Variants in SGCZ observed in about 807,000 individuals in gnomAD.
SGCZ encodes sarcoglycan zeta.
SGCZ carries 40 observed loss-of-function variants against 41.3 expected under a neutral mutation model. The ratio of observed to expected loss-of-function variants is 0.97; its 90% CI spans 0.75 to 1.26. The LOEUF is 1.26. Among genes scored for constraint, SGCZ ranks in the 50% most tolerant of loss-of-function variants. SGCZ has a pLI of 0.00. For synonymous variants in SGCZ, 206 were observed against 137.5 expected (o/e 1.50, Z -3.49); for missense variants, 552 against 369.8 (o/e 1.49, Z -4.04).
At chr8:14,825,681 G>A (rs892955209) in intron 1 of SGCZ, among the ~76,000 whole-genome samples, 2 of 152,046 alleles carry the variant, frequency 1.3e-5, no homozygotes, top group East Asian at 3.9e-4. Flanking sequence ...CTGAAACACT[G>A]AACCCTTGAA....
chr8:15,066,077 G>A (rs1805129175), intron 1 of SGCZ, among the ~76,000 whole-genome samples: 1 of 151,956 alleles, frequency 6.6e-6, no homozygotes, highest in South Asian at 2.1e-4. Context: ...GGGAGGCCGA[G>A]GCGGGTGGAT....
chr8:14,472,788 A>C (rs1055985319), intron 2 of SGCZ, among the ~76,000 whole-genome samples: 1 of 152,176 alleles, frequency 6.6e-6, no homozygotes, highest in Non-Finnish European at 1.5e-5. Flanking sequence ...TTTAAAAACT[A>C]ATATTGTACC....
chr8:15,184,940 T>C (rs111862192), intron 1 of SGCZ, among the ~76,000 whole-genome samples: 7 of 152,118 alleles, frequency 4.6e-5, no homozygotes, highest in African/African-American at 1.7e-4. Context: ...GACTGGCAAA[T>C]GGAGACTGTA....
intron 1 of SGCZ, among the ~76,000 whole-genome samples, chr8:14,634,348 C>G (rs1248254080): frequency 6.6e-6 from 1 of 151,622 alleles, no homozygotes; most frequent in East Asian, 1.9e-4. Flanking sequence ...GTTTCATTTT[C>G]TTTGTTTATT....
intron 2 of SGCZ, among the ~76,000 whole-genome samples, chr8:14,530,173 A>T (rs1032256288): frequency 6.6e-6 from 1 of 152,022 alleles, no homozygotes; most frequent in Non-Finnish European, 1.5e-5. Flanking sequence ...GTAAAATTAC[A>T]TATCTATTCT....
chr8:14,282,833 T>G (rs970154619), intron 3 of SGCZ, among the ~76,000 whole-genome samples: 5 of 139,674 alleles, frequency 3.6e-5, no homozygotes, highest in Non-Finnish European at 7.7e-5. Context: ...ATTATAATCA[T>G]TCTCTTTCAA....
chr8:15,026,617 G>C (rs574132594), intron 1 of SGCZ, among the ~76,000 whole-genome samples: 2 of 152,114 alleles, frequency 1.3e-5, no homozygotes, highest in African/African-American at 4.8e-5. Flanking sequence ...CATTATAAAA[G>C]GGACTCGATT....
chr8:14,591,409 G>T (rs931369968), intron 1 of SGCZ, among the ~76,000 whole-genome samples: 1 of 151,844 alleles, frequency 6.6e-6, no homozygotes, highest in Non-Finnish European at 1.5e-5. Context: ...TCTAGAGCTC[G>T]TGCATTTCCT....
intron 1 of SGCZ, among the ~76,000 whole-genome samples, chr8:14,956,705 C>G (rs1800804698): frequency 6.6e-6 from 1 of 152,056 alleles, no homozygotes. Context: ...AGTCATCATA[C>G]AACTAAATTC....
At chr8:14,396,578 G>C (rs1312398407) in intron 2 of SGCZ, among the ~76,000 whole-genome samples, 1 of 151,820 alleles carries the variant, frequency 6.6e-6, no homozygotes, top group African/African-American at 2.4e-5. Context: ...CTCGGTGCTA[G>C]GGATATAATG....
intron 1 of SGCZ, among the ~76,000 whole-genome samples, chr8:14,557,053 G>A (rs927288845): frequency 1.3e-5 from 2 of 151,144 alleles, no homozygotes; most frequent in Admixed American, 6.6e-5. Context: ...CCTACCAGTG[G>A]TGTAGAAGTA....
intron 1 of SGCZ, among the ~76,000 whole-genome samples, chr8:14,774,529 C>G (rs1188798507): frequency 6.6e-6 from 1 of 152,186 alleles, no homozygotes; most frequent in Non-Finnish European, 1.5e-5. Context: ...ATGGCTTCTC[C>G]CACATGGTGT....
chr8:14,363,301 C>T (rs1271579258), intron 2 of SGCZ, among the ~76,000 whole-genome samples: 1 of 152,102 alleles, frequency 6.6e-6, no homozygotes, highest in African/African-American at 2.4e-5. Flanking sequence ...TTGTCCACAG[C>T]CTGGTAATAA....
intron 4 of SGCZ, among the ~76,000 whole-genome samples, chr8:14,227,530 G>C (rs752543439): frequency 7.9e-5 from 12 of 151,906 alleles, no homozygotes; most frequent in Admixed American, 2.0e-4. Flanking sequence ...CTTAACTACA[G>C]GCAAATATAT....
chr8:14,817,359 T>C (rs1426391635), intron 1 of SGCZ, among the ~76,000 whole-genome samples: 2 of 152,100 alleles, frequency 1.3e-5, no homozygotes, highest in African/African-American at 2.4e-5. Context: ...ATCTTTACTA[T>C]AAGAGAGCCC....
intron 2 of SGCZ, among the ~76,000 whole-genome samples, chr8:14,365,977 T>C (rs1419815331): frequency 5.3e-5 from 8 of 152,170 alleles, no homozygotes; most frequent in Admixed American, 5.2e-4. Flanking sequence ...TTTCTGTCTT[T>C]GTTATTTTTC....
chr8:14,821,415 C>T (rs1475347761), intron 1 of SGCZ, among the ~76,000 whole-genome samples: 2 of 151,954 alleles, frequency 1.3e-5, no homozygotes, highest in African/African-American at 2.4e-5. Flanking sequence ...ACCAATTATC[C>T]TTAAACTCTT....
At chr8:14,544,024 A>T (rs998827445) in intron 2 of SGCZ, among the ~76,000 whole-genome samples, 4 of 152,140 alleles carry the variant, frequency 2.6e-5, no homozygotes, top group African/African-American at 7.2e-5. Flanking sequence ...AGCCCCGAGC[A>T]CAGAGTAATT....
At chr8:14,751,441 G>T (rs1434659480) in intron 1 of SGCZ, among the ~76,000 whole-genome samples, 1 of 151,986 alleles carries the variant, frequency 6.6e-6, no homozygotes, top group Non-Finnish European at 1.5e-5. Flanking sequence ...CACATAGACA[G>T]TTACTTAATA....
Sources: allele counts gnomAD v4.1 joint callset (sites outside exome capture counted in the v4.1 genomes callset), GRCh38; gene constraint gnomAD v4.1.1; transcripts MANE v1.5; gene names NCBI Gene and HGNC (gene_info 2026-07-23, HGNC 2026-07-21).